Variants in FMN2 observed in about 807,000 individuals in gnomAD.
FMN2 encodes formin-2.
FMN2 carries 51 observed loss-of-function variants against 142.3 expected under a neutral mutation model. The ratio of observed to expected loss-of-function variants is 0.36; its 90% CI spans 0.29 to 0.45. The LOEUF (loss-of-function observed/expected upper bound fraction) is 0.45, where lower values mean the gene tolerates loss of function less well. Ranked by LOEUF, FMN2 falls within the 20% of genes least tolerant of loss-of-function variation. The pLI is 1.00. For missense variants in FMN2, 1,936 were observed against 2,122.8 expected, an observed-to-expected ratio of 0.91 and a Z score of 1.73; for synonymous variants, 882 against 869.8, an observed-to-expected ratio of 1.01 and a Z score of -0.25.
intron 15 of FMN2, among the ~76,000 whole-genome samples, chr1:240,432,556 T>C (rs995917637): frequency 7.9e-5 from 12 of 151,962 alleles, no homozygotes; most frequent in African/African-American, 2.9e-4. Flanking sequence ...TTTGCTCCTT[T>C]ACAGTTTCTT....
intron 7 of FMN2, among the ~76,000 whole-genome samples, chr1:240,264,210 G>A (rs991315220): frequency 1.3e-5 from 2 of 152,018 alleles, no homozygotes; most frequent in South Asian, 4.2e-4. Context: ...TTGGAATCAT[G>A]TCATGTTGCT....
chr1:240,199,318 T>C (rs755961980), intron 4 of FMN2, among the ~76,000 whole-genome samples: 1 of 152,174 alleles, frequency 6.6e-6, no homozygotes, highest in Non-Finnish European at 1.5e-5. Context: ...CAGCGTTAAC[T>C]TACCAATAAG....
intron 8 of FMN2, among the ~76,000 whole-genome samples, chr1:240,312,337 G>C (rs66680757): frequency 0.21 from 31,816 of 152,024 alleles, 3,605 homozygotes; most frequent in Admixed American, 0.33. Flanking sequence ...ATCTTCAGTT[G>C]TCATTCTTTT....
intron 8 of FMN2, among the ~76,000 whole-genome samples, chr1:240,300,569 A>C (rs376601067): frequency 9.8e-4 from 149 of 152,216 alleles, no homozygotes; most frequent in African/African-American, 3.3e-3. Context: ...TCTTTCTCCT[A>C]TCTCTCCTTT....
At chr1:240,242,167 C>T (rs530385209) in intron 6 of FMN2, among the ~76,000 whole-genome samples, 1 of 152,284 alleles carries the variant, frequency 6.6e-6, no homozygotes, top group South Asian at 2.1e-4. Flanking sequence ...TTAAAATCAA[C>T]TGGAACACGT....
intron 8 of FMN2, among the ~76,000 whole-genome samples, chr1:240,308,138 C>T (rs1023458125): frequency 3.3e-5 from 5 of 151,914 alleles, no homozygotes; most frequent in Admixed American, 1.3e-4. Context: ...CTAGGAATTG[C>T]GGGAGATGAG....
At chr1:240,360,313 C>T (rs1409312350) in intron 14 of FMN2, among the ~76,000 whole-genome samples, 2 of 152,202 alleles carry the variant, frequency 1.3e-5, no homozygotes, top group Non-Finnish European at 2.9e-5. Flanking sequence ...CACACTTACC[C>T]ACCATCACAT....
chr1:240,349,233 T>A (rs1046791717), intron 13 of FMN2, among the ~76,000 whole-genome samples: 1 of 152,248 alleles, frequency 6.6e-6, no homozygotes, highest in African/African-American at 2.4e-5. Context: ...CAATGGTGTC[T>A]GTTTCCTAAA....
At chr1:240,136,417 A>G (rs999008038) in intron 2 of FMN2, among the ~76,000 whole-genome samples, 7 of 152,234 alleles carry the variant, frequency 4.6e-5, no homozygotes, top group African/African-American at 4.8e-5. Flanking sequence ...GCTTAGAAAA[A>G]TAGATTTTTA....
chr1:240,383,020 C>G (rs922910296), intron 14 of FMN2, among the ~76,000 whole-genome samples: 3 of 152,080 alleles, frequency 2.0e-5, no homozygotes, highest in African/African-American at 7.2e-5. Flanking sequence ...GTAAAGGACA[C>G]TGTATTCAAT....
At chr1:240,146,134 A>G (rs1663458665) in intron 2 of FMN2, among the ~76,000 whole-genome samples, 1 of 151,932 alleles carries the variant, frequency 6.6e-6, no homozygotes, top group Non-Finnish European at 1.5e-5. Flanking sequence ...CTGTAATCCC[A>G]GTACTTTGGG....
At chr1:240,272,848 C>T (rs1013477067) in intron 7 of FMN2, among the ~76,000 whole-genome samples, 2 of 152,144 alleles carry the variant, frequency 1.3e-5, no homozygotes, top group African/African-American at 4.8e-5. Context: ...ACAGCGAGAT[C>T]TTTATTTTCT....
chr1:240,468,318 A>G (rs1272987099), intron 16 of FMN2, among the ~76,000 whole-genome samples: 1 of 152,124 alleles, frequency 6.6e-6, no homozygotes, highest in Non-Finnish European at 1.5e-5. Flanking sequence ...ACATATATAC[A>G]TATGCACACA....
intron 6 of FMN2, among the ~76,000 whole-genome samples, chr1:240,222,015 T>TTA (rs374975672): frequency 1.7e-4 from 3 of 17,568 alleles, no homozygotes; most frequent in African/African-American, 1.6e-3. Flanking sequence ...ACCCAGCTAA[T>TTA]TTTTTTTTTT....
intron 8 of FMN2, among the ~76,000 whole-genome samples, chr1:240,325,850 T>C (rs1037313709): frequency 4.6e-5 from 7 of 152,184 alleles, no homozygotes; most frequent in African/African-American, 1.4e-4. Flanking sequence ...GTGATGTACC[T>C]GATGGGGAAA....
rs889299465 is a variant in FMN2, at chr1:240,130,296, T to TTTTA, written c.1782+6971_1782+6974dup. On this transcript the variant is annotated intron_variant, in intron 2 of 17. Coordinates refer to ENST00000319653, the MANE Select transcript of FMN2 (RefSeq NM_020066.5). ...GGTCAAGTTCAAAAGAATTTTGTGGTTTTATTTATTTATTTATTTATTTTG... is the reference window on the plus strand; with the variant it reads ...GGTCAAGTTCAAAAGAATTTTGTGGTTTTATTTATTTATTTATTTATTTATTTTG... 1.6e-4 allele frequency among the ~76,000 whole-genome samples: 24 copies of TTTTA among 152,092 alleles called. 1 individual carries two copies. Among genetic ancestry groups the TTTTA allele is most frequent in the South Asian group, 6.2e-4 (3 of 4,808 alleles).
At chr1:240,166,417 A>G (rs1428100001) in intron 2 of FMN2, among the ~76,000 whole-genome samples, 2 of 151,974 alleles carry the variant, frequency 1.3e-5, no homozygotes, top group Non-Finnish European at 2.9e-5. Flanking sequence ...TATAGTAGAG[A>G]TGGGGTTTCA....
At chr1:240,315,225 G>A (rs1670737738) in intron 8 of FMN2, among the ~76,000 whole-genome samples, 1 of 152,138 alleles carries the variant, frequency 6.6e-6, no homozygotes, top group Non-Finnish European at 1.5e-5. Flanking sequence ...ATAAGGTAGA[G>A]GTTTTTGAAT....
chr1:240,464,402 T>G (rs192771864), intron 16 of FMN2, among the ~76,000 whole-genome samples: 1 of 152,254 alleles, frequency 6.6e-6, no homozygotes, highest in African/African-American at 2.4e-5. Flanking sequence ...TGTTTTCTTA[T>G]GAGTAAATGA....
Sources: allele counts gnomAD v4.1 joint callset (sites outside exome capture counted in the v4.1 genomes callset), GRCh38; gene constraint gnomAD v4.1.1; transcripts MANE v1.5; gene names NCBI Gene and HGNC (gene_info 2026-07-23, HGNC 2026-07-21).